SKIC8: variants seen among roughly 807,000 people sequenced by gnomAD.
SKIC8 encodes superkiller complex protein 8.
chr15:78,283,746 AAT>A, the SKIC8 span: 1 of 423,674 alleles, frequency 2.4e-6, no homozygotes, highest in East Asian at 3.8e-5. Flanking sequence ...AAAAAAAAAA[AAT>A]CATTTTTAAA....
At chr15:78,289,055 AAAGT>A in the SKIC8 span, 7 of 353,532 alleles carry the variant, frequency 2.0e-5, no homozygotes, top group South Asian at 8.8e-5. Flanking sequence ...TAATAAATAA[AAAGT>A]AAGTCTGTTC....
the SKIC8 span, chr15:78,289,927 G>T: frequency 1.2e-6 from 2 of 1,609,286 alleles, no homozygotes; most frequent in South Asian, 1.1e-5. Flanking sequence ...ATCAGAAGGA[G>T]AACAGAGAGC....
chr15:78,289,087 A>C, the SKIC8 span, among the ~76,000 whole-genome samples: 1 of 152,246 alleles, frequency 6.6e-6, no homozygotes, highest in Non-Finnish European at 1.5e-5. Flanking sequence ...CAAGCACTTA[A>C]CACTGTTACA....
chr15:78,294,933 G>A, the SKIC8 span: 3 of 1,613,996 alleles, frequency 1.9e-6, no homozygotes, highest in Non-Finnish European at 2.5e-6. Flanking sequence ...GCTTAAACAG[G>A]CAGGCTACTT....
chr15:78,295,795 T>C, the SKIC8 span: 2 of 1,330,494 alleles, frequency 1.5e-6, no homozygotes, highest in Non-Finnish European at 2.0e-6. Context: ...GAAGTTCCCC[T>C]TGACCAAGAA....
At chr15:78,289,588 C>A in the SKIC8 span, 1 of 1,492,314 alleles carries the variant, frequency 6.7e-7, no homozygotes, top group East Asian at 2.3e-5. Context: ...TTTGATAACC[C>A]AGTTTGTCAA....
At chr15:78,285,301 G>A in the SKIC8 span, 35 of 1,614,050 alleles carry the variant, frequency 2.2e-5, no homozygotes, top group South Asian at 4.4e-5. Flanking sequence ...ACAAGTCCTC[G>A]TTCCAACATC....
the SKIC8 span, chr15:78,293,217 A>C: frequency 6.2e-7 from 1 of 1,614,194 alleles, no homozygotes; most frequent in South Asian, 1.1e-5. Flanking sequence ...CCACTGTCTC[A>C]GAGTTTTCCT....
chr15:78,285,414 A>G, the SKIC8 span: 2 of 1,354,204 alleles, frequency 1.5e-6, no homozygotes, highest in Non-Finnish European at 2.1e-6. Flanking sequence ...GATGACTTAC[A>G]TTCTTCTAAC....
At chr15:78,295,414 TTTTTG>T in the SKIC8 span, 2 of 560,492 alleles carry the variant, frequency 3.6e-6, no homozygotes, top group Non-Finnish European at 6.4e-6. Context: ...TTTTTTTTTT[TTTTTG>T]TACAACATCT....
At chr15:78,289,013 C>CA in the SKIC8 span, 1 of 410,064 alleles carries the variant, frequency 2.4e-6, no homozygotes, top group South Asian at 1.8e-5. Flanking sequence ...TATATATTAA[C>CA]ACACACATAC....
the SKIC8 span, chr15:78,293,431 T>A: frequency 1.5e-6 from 1 of 651,248 alleles, no homozygotes; most frequent in African/African-American, 1.8e-5. Flanking sequence ...TGGGGCCACA[T>A]ATGAAAATTG....
the SKIC8 span, among the ~76,000 whole-genome samples, chr15:78,288,113 C>T: frequency 6.6e-6 from 1 of 152,156 alleles, no homozygotes. Flanking sequence ...CCAAGCAGCC[C>T]TTGAGGACAC....
chr15:78,292,445 C>T, the SKIC8 span: 6 of 664,944 alleles, frequency 9.0e-6, no homozygotes, highest in East Asian at 5.5e-5. Flanking sequence ...TCTTTCATTA[C>T]AGTGCTGTTT....
the SKIC8 span, among the ~76,000 whole-genome samples, chr15:78,298,415 A>G: frequency 6.6e-6 from 1 of 152,222 alleles, no homozygotes; most frequent in East Asian, 1.9e-4. Flanking sequence ...TAGGTACAGT[A>G]GTTCTTTAGC....
chr15:78,285,430 A>AC, the SKIC8 span: 33 of 1,096,114 alleles, frequency 3.0e-5, 1 homozygote, highest in Admixed American at 2.9e-4. Flanking sequence ...CTAACTTCAG[A>AC]CCCCCCAACC....
chr15:78,296,709 C>T, the SKIC8 span, among the ~76,000 whole-genome samples: 1 of 152,084 alleles, frequency 6.6e-6, no homozygotes, highest in Admixed American at 6.5e-5. Flanking sequence ...CCCTATGTTG[C>T]CTAGGCTGGT....
At chr15:78,299,119 A>G in the SKIC8 span, among the ~76,000 whole-genome samples, 933 of 152,290 alleles carry the variant, frequency 6.1e-3, 5 homozygotes, top group Non-Finnish European at 9.5e-3. Context: ...TCAACAGCCC[A>G]CAGTATTGCA....
chr15:78,290,303 A>G, the SKIC8 span, among the ~76,000 whole-genome samples: 1 of 152,242 alleles, frequency 6.6e-6, no homozygotes. Context: ...AAATAGGACA[A>G]TATCAAGTGT....
Sources: gnomAD v4.1 joint callset for allele counts (sites outside exome capture counted in the v4.1 genomes callset) on GRCh38, gnomAD v4.1.1 for gene constraint, MANE v1.5 for transcripts, NCBI Gene and HGNC (gene_info 2026-07-23, HGNC 2026-07-21) for gene names.